CLVS1: variants seen among roughly 807,000 people sequenced by gnomAD.
CLVS1 encodes the protein clavesin-1.
Under a neutral mutation model 33.1 loss-of-function variants are expected in CLVS1, and 10 were observed. That is an observed-to-expected ratio of 0.30 (90% CI 0.19 to 0.51). The LOEUF (loss-of-function observed/expected upper bound fraction) is 0.51, where lower values mean the gene tolerates loss of function less well. Among genes scored for constraint, CLVS1 ranks in the 20% least tolerant of loss-of-function variants. The pLI, the probability that CLVS1 is intolerant of heterozygous loss-of-function variation, is 0.97. For synonymous variants in CLVS1, 163 were observed against 166.1 expected, an observed-to-expected ratio of 0.98 and a Z score of 0.14; for missense variants, 343 against 433.4, an observed-to-expected ratio of 0.79 and a Z score of 1.85.
chr8:60,973,449 C>A, the CLVS1 span, among the ~76,000 whole-genome samples: 2 of 152,108 alleles, frequency 1.3e-5, no homozygotes, highest in Non-Finnish European at 2.9e-5. Context: ...GGTGGCTAAT[C>A]TGTATGGGTC....
chr8:61,233,704 C>G (rs1322772724), intron 2 of CLVS1, among the ~76,000 whole-genome samples: 1 of 152,344 alleles, frequency 6.6e-6, no homozygotes, highest in East Asian at 1.9e-4. Context: ...TCTCCTGCAG[C>G]CTGCCCTCCT....
At chr8:61,181,113 G>T (rs1247453169) in intron 2 of CLVS1, among the ~76,000 whole-genome samples, 1 of 152,184 alleles carries the variant, frequency 6.6e-6, no homozygotes, top group Non-Finnish European at 1.5e-5. Flanking sequence ...TACTCCTTAA[G>T]TTGATAAGCA....
chr8:61,214,428 A>G (rs892661186), intron 2 of CLVS1, among the ~76,000 whole-genome samples: 1 of 151,872 alleles, frequency 6.6e-6, no homozygotes, highest in Non-Finnish European at 1.5e-5. Flanking sequence ...CTGTCCCTTT[A>G]TTTCTCAAGC....
chr8:61,363,673 A>T (rs1307172144), intron 2 of CLVS1, among the ~76,000 whole-genome samples: 1 of 152,232 alleles, frequency 6.6e-6, no homozygotes, highest in Non-Finnish European at 1.5e-5. Flanking sequence ...TTGCTAAATG[A>T]ACTATGTTGA....
intron 2 of CLVS1, among the ~76,000 whole-genome samples, chr8:61,166,030 C>CTTTTTTTTT (rs1394098764): frequency 1.5e-3 from 51 of 33,890 alleles, no homozygotes; most frequent in Middle Eastern, 0.062. Context: ...AGCATCTAAG[C>CTTTTTTTTT]GTTTTTTTTT....
At chr8:61,083,231 CT>C (rs1273781549) in intron 1 of CLVS1, among the ~76,000 whole-genome samples, 1 of 152,206 alleles carries the variant, frequency 6.6e-6, no homozygotes, top group Non-Finnish European at 1.5e-5. Context: ...CCACTCTCCT[CT>C]GCCTCCCAAG....
chr8:61,477,374 G>A (rs1186026456), intron 5 of CLVS1, among the ~76,000 whole-genome samples: 1 of 152,156 alleles, frequency 6.6e-6, no homozygotes, highest in Non-Finnish European at 1.5e-5. Flanking sequence ...AGAAGGAATG[G>A]TACCAGCTCC....
chr8:61,089,176 A>G (rs1805185277), intron 1 of CLVS1, among the ~76,000 whole-genome samples: 1 of 152,198 alleles, frequency 6.6e-6, no homozygotes, highest in African/African-American at 2.4e-5. Flanking sequence ...CATTTTTGTA[A>G]TGGCTAATAA....
intron 2 of CLVS1, among the ~76,000 whole-genome samples, chr8:61,173,576 A>G (rs915128802): frequency 6.6e-6 from 1 of 152,220 alleles, no homozygotes; most frequent in African/African-American, 2.4e-5. Context: ...AAGAATTTTA[A>G]CATTTCCATC....
intron 2 of CLVS1, among the ~76,000 whole-genome samples, chr8:61,245,108 C>T (rs1303313728): frequency 3.9e-5 from 6 of 152,120 alleles, no homozygotes; most frequent in Non-Finnish European, 8.8e-5. Context: ...TATATTAGTA[C>T]AGTTATACTG....
At chr8:61,470,714 G>T (rs1044864166) in intron 5 of CLVS1, among the ~76,000 whole-genome samples, 3 of 152,156 alleles carry the variant, frequency 2.0e-5, no homozygotes, top group Non-Finnish European at 4.4e-5. Context: ...CATAATATAT[G>T]GTAGAAGTCT....
intron 2 of CLVS1, among the ~76,000 whole-genome samples, chr8:61,333,534 AT>A (rs1811675939): frequency 6.6e-6 from 1 of 152,216 alleles, no homozygotes; most frequent in South Asian, 2.1e-4. Context: ...CCAAGTGCTT[AT>A]TACTATGTGA....
intron 2 of CLVS1, among the ~76,000 whole-genome samples, chr8:61,320,743 G>A (rs1430889559): frequency 6.6e-6 from 1 of 152,118 alleles, no homozygotes; most frequent in Non-Finnish European, 1.5e-5. Flanking sequence ...GGCACTGATT[G>A]CTCTAGAGCC....
At position 61,092,724 on chromosome 8, in the gene CLVS1, G is replaced by A. The variant is rs111379941; in HGVS notation, c.-243+35494G>A. On this transcript the variant is annotated intron_variant, in intron 1 of 2. Transcript: ENST00000522621. ...CTCTTCTACATTTAAAGACCTTTGC[G>A]ATTACCTGAATAATCCATGATGATG... is the stretch of plus-strand genomic sequence containing the variant. 5.8e-3 allele frequency among the ~76,000 whole-genome samples: 883 copies of A among 152,260 alleles called. 8 individuals carry two copies. Among genetic ancestry groups the A allele is most frequent in the African/African-American group, 0.019 (784 of 41,550 alleles).
intron 3 of CLVS1, among the ~76,000 whole-genome samples, chr8:61,428,548 T>G (rs1815981980): frequency 6.6e-6 from 1 of 152,232 alleles, no homozygotes; most frequent in South Asian, 2.1e-4. Flanking sequence ...TCTCATTTCT[T>G]AAGAAAGTGC....
intron 3 of CLVS1, among the ~76,000 whole-genome samples, chr8:61,379,381 C>A (rs1813774609): frequency 6.6e-6 from 1 of 151,554 alleles, no homozygotes; most frequent in Non-Finnish European, 1.5e-5. Flanking sequence ...CCCCTTTCCC[C>A]ACCCTCCCCC....
chr8:61,059,475 C>CATACATATATATATATATATATATATAT lies in CLVS1; in HGVS notation c.-243+2248_-243+2249insCATATATATATATATATATATATATATA, dbSNP rs59538219. The stretch of plus-strand genomic sequence containing the variant: ...ACACACACATATACATACATACATA[C>CATACATATATATATATATATATATATAT]ATATATATATATATATATATATATA... On this transcript the variant is annotated intron_variant, in intron 1 of 2. Transcript: ENST00000522621. Among the ~76,000 whole-genome samples, 20 of 50,194 alleles carry CATACATATATATATATATATATATATAT rather than the reference C, an allele frequency of 4.0e-4. 1 individual carries two copies. Among genetic ancestry groups the CATACATATATATATATATATATATATAT allele is most frequent in the South Asian group, 1.4e-3 (1 of 704 alleles). The allele number at this position is 50,194 out of a possible 152,430, so 32.9% of individuals were successfully genotyped here.
chr8:61,266,964 G>A (rs1463035412), intron 2 of CLVS1, among the ~76,000 whole-genome samples: 1 of 152,166 alleles, frequency 6.6e-6, no homozygotes, highest in Non-Finnish European at 1.5e-5. Flanking sequence ...CAACACTGTG[G>A]AGCCACACAG....
intron 1 of CLVS1, among the ~76,000 whole-genome samples, chr8:61,125,014 C>T (rs1805944101): frequency 6.6e-6 from 1 of 152,102 alleles, no homozygotes; most frequent in East Asian, 1.9e-4. Context: ...TTCCTATGGG[C>T]TGGGTACTGG....
Sources: allele counts gnomAD v4.1 joint callset (sites outside exome capture counted in the v4.1 genomes callset), GRCh38; gene constraint gnomAD v4.1.1; transcripts MANE v1.5; gene names NCBI Gene and HGNC (gene_info 2026-07-23, HGNC 2026-07-21).